WAPL: variants seen among roughly 807,000 people sequenced by gnomAD.
WAPL encodes the protein wings apart-like protein homolog.
In WAPL, 5 loss-of-function variants were observed where a neutral mutation model predicts 121.0. The observed-to-expected ratio is 0.04, with a 90% CI of 0.02 to 0.09. WAPL has a LOEUF of 0.09. Ranked by LOEUF, WAPL falls within the 10% of genes least tolerant of loss-of-function variation. The pLI is 1.00. For synonymous variants in WAPL, 480 were observed against 481.5 expected (o/e 1.00, Z 0.04); for missense variants, 999 against 1,410.8 (o/e 0.71, Z 4.68).
At chr10:86,489,449 T>C (rs922575192) in intron 4 of WAPL, among the ~76,000 whole-genome samples, 7 of 152,158 alleles carry the variant, frequency 4.6e-5, no homozygotes, top group African/African-American at 1.7e-4. Flanking sequence ...AAACTAGGTA[T>C]TTAGGAGTAA....
chr10:86,446,927 A>T (rs1849636162), intron 15 of WAPL, among the ~76,000 whole-genome samples: 1 of 152,250 alleles, frequency 6.6e-6, no homozygotes, highest in Admixed American at 6.5e-5. Context: ...TTTGTTGAGT[A>T]TACAGAAGAG....
In WAPL at chr10:86,460,015, G is replaced by C. The variant is rs571144842; in HGVS notation, c.2580+384C>G. ...TATAATCCCAGCTACTCAAGAGGCT[G>C]AGGCATGAAATTGCTTGAACCCGGG... On this transcript the variant is annotated intron_variant, in intron 11 of 18. Coordinates refer to ENST00000298767, the MANE Select transcript of WAPL (RefSeq NM_015045.5). 1.3e-3 allele frequency among the ~76,000 whole-genome samples: 194 copies of C among 152,328 alleles called. 2 individuals are homozygous for C. Among genetic ancestry groups the C allele is most frequent in the Middle Eastern group, 6.8e-3 (2 of 294 alleles).
intron 4 of WAPL, 33 bp downstream of exon 4, chr10:86,497,168 A>C (rs1248139287): frequency 2.6e-6 from 4 of 1,523,824 alleles, no homozygotes; most frequent in East Asian, 4.5e-5. Context: ...ATAACAAATA[A>C]ATAATAAAAA....
intron 12 of WAPL, 64 bp from the exon 13 acceptor site, chr10:86,453,895 T>C (rs1841067618): frequency 7.7e-7 from 1 of 1,291,218 alleles, no homozygotes; most frequent in Admixed American, 3.6e-5. Flanking sequence ...CAAATTTCTA[T>C]TTACTTGAAC....
At chr10:86,481,407 CTT>C (rs929725386) in intron 4 of WAPL, among the ~76,000 whole-genome samples, 1 of 151,960 alleles carries the variant, frequency 6.6e-6, no homozygotes, top group Non-Finnish European at 1.5e-5. Context: ...GCGTTTCGCT[CTT>C]GTTGCCCAGG....
intron 9 of WAPL, among the ~76,000 whole-genome samples, chr10:86,464,998 A>G (rs1188489229): frequency 6.6e-6 from 1 of 152,200 alleles, no homozygotes; most frequent in Non-Finnish European, 1.5e-5. Flanking sequence ...CTTGCTGTTT[A>G]AAGTTAAATT....
intron 12 of WAPL, among the ~76,000 whole-genome samples, chr10:86,454,270 T>C (rs1353624754): frequency 1.3e-5 from 2 of 152,320 alleles, no homozygotes; most frequent in Admixed American, 1.3e-4. Context: ...GTTGACAGTA[T>C]AAATCATTAT....
chr10:86,460,556 CT>C, intron 10 of WAPL, 60 bp from the exon 11 acceptor site: 1 of 1,409,650 alleles, frequency 7.1e-7, no homozygotes. Context: ...CAATAGAATA[CT>C]TTTAGCTAAC....
rs1470998680 is a variant in WAPL at position 86,472,100 on chromosome 10, T to C, written c.2030+108A>G. Reference sequence around the variant, plus strand: ...TTAACATATCACTGGCTATACATACTACCCCATCATAACAAAATAAAAAAT... The same window carrying C: ...TTAACATATCACTGGCTATACATACCACCCCATCATAACAAAATAAAAAAT... On this transcript the variant is annotated intron_variant, in intron 7 of 18. Coordinates refer to ENST00000298767, the MANE Select transcript of WAPL (RefSeq NM_015045.5). This position sits in a 1 kb window ranked among gnomAD's most constrained non-coding sequence, Gnocchi z 4.2. The C allele has an allele frequency of 1.3e-5, 13 of 1,023,110 alleles. No homozygotes were observed. The highest frequency in any genetic ancestry group is 3.3e-5 in the African/African-American group (2 of 59,956). The allele number at this position is 1,023,110 out of a possible 1,614,324, so 63.4% of individuals were successfully genotyped here. A position where few individuals can be genotyped will look rare whatever the true frequency, so the allele number is the denominator to read the frequency against.
At chr10:86,452,234 T>C in intron 14 of WAPL, 103 bp from the exon 15 acceptor site, 1 of 1,109,216 alleles carries the variant, frequency 9.0e-7, no homozygotes, top group Non-Finnish European at 1.3e-6. Flanking sequence ...TGAATATCAG[T>C]GTTCTACCAC....
intron 4 of WAPL, among the ~76,000 whole-genome samples, chr10:86,492,023 C>A (rs1842057815): frequency 6.6e-6 from 1 of 152,208 alleles, no homozygotes; most frequent in South Asian, 2.1e-4. Context: ...CCTATTTCCT[C>A]CCCCTCCTCA....
At chr10:86,487,707 G>A (rs752111157) in intron 4 of WAPL, among the ~76,000 whole-genome samples, 14 of 152,042 alleles carry the variant, frequency 9.2e-5, no homozygotes, top group African/African-American at 3.1e-4. Context: ...TGGCTAACAC[G>A]GTGAAACCCC....
rs1262112082 is a variant in WAPL at position 86,500,107 on chromosome 10, C to A, written c.1136G>T (p.Arg379Leu). Residue 379 changes from arginine (R) to leucine (L), a missense_variant, in exon 3 of 19, where the codon CGC (arginine) becomes CTC (leucine). By Grantham distance (102) the Arg-to-Leu change is moderately radical. Coordinates refer to ENST00000298767, the MANE Select transcript of WAPL (RefSeq NM_015045.5). The stretch of plus-strand genomic sequence containing the variant: ...GGATGCAGTGAACTCATCCATGCTG[C>A]GTTCCATAGTATCCTGTATGGTAAC... ...CNVTIQDTMERSMDEFTASTP... is the reference protein window; with the variant it reads ...CNVTIQDTMELSMDEFTASTP... 2 of 1,614,158 alleles carry A rather than the reference C, an allele frequency of 1.2e-6. No individual in the cohort carries two copies. Among genetic ancestry groups the A allele is most frequent in the African/African-American group, 1.3e-5 (1 of 75,040 alleles).
rs144916668 is a variant in WAPL, at chr10:86,502,845, G to A, written c.500-2102C>T. On this transcript the variant is annotated intron_variant, in intron 2 of 18. Transcript: ENST00000298767. ...CCCATACCAAACTATATTACACTACGTCTAGTGGTGGCTGCTAAACACTAA... is the reference window on the plus strand; with the variant it reads ...CCCATACCAAACTATATTACACTACATCTAGTGGTGGCTGCTAAACACTAA... Among the ~76,000 whole-genome samples, 16 of 152,260 alleles carry A rather than the reference G, an allele frequency of 1.1e-4. No homozygotes were observed. The East Asian group carries it at 2.3e-3, about 22-fold the overall frequency.
chr10:86,459,882 A>C (rs1246038866), intron 11 of WAPL, among the ~76,000 whole-genome samples: 2 of 152,204 alleles, frequency 1.3e-5, no homozygotes, highest in Non-Finnish European at 2.9e-5. Flanking sequence ...GGGAGGCTGA[A>C]GCCGGCAGGC....
intron 4 of WAPL, among the ~76,000 whole-genome samples, chr10:86,484,019 A>G (rs1030349284): frequency 2.6e-5 from 4 of 151,904 alleles, no homozygotes; most frequent in Admixed American, 2.6e-4. Flanking sequence ...GCACCCAGGC[A>G]ACAAAAAAGA....
chr10:86,483,266 C>G (rs556951009), intron 4 of WAPL, among the ~76,000 whole-genome samples: 2 of 151,990 alleles, frequency 1.3e-5, no homozygotes, highest in Admixed American at 1.3e-4. Flanking sequence ...ATGAAAAATA[C>G]AAAATTGGCT....
intron 4 of WAPL, among the ~76,000 whole-genome samples, chr10:86,491,061 TTAAATAAA>T (rs548077152): frequency 6.6e-5 from 10 of 150,748 alleles, no homozygotes; most frequent in Non-Finnish European, 1.2e-4. Flanking sequence ...AGACTCTGTC[TTAAATAAA>T]TAAATAAATA....
Position 86,498,400 on chromosome 10 carries a change from C to CT in WAPL, c.1526-1082dup, listed in dbSNP as rs144057956. 3.5e-3 allele frequency among the ~76,000 whole-genome samples: 534 copies of CT among 151,898 alleles called. 7 individuals carry two copies. In the East Asian group the frequency reaches 0.062, roughly 18 times the overall value. On this transcript the variant is annotated intron_variant, in intron 3 of 18. Coordinates refer to ENST00000298767, the MANE Select transcript of WAPL (RefSeq NM_015045.5). ...ACAACACTGGATGTATTTCTTTTTT[C>CT]TTTTTTTTCGGGGGAGGCAGGGGTG... is the stretch of plus-strand genomic sequence containing the variant.
Sources: allele counts gnomAD v4.1 joint callset (sites outside exome capture counted in the v4.1 genomes callset), GRCh38; gene constraint gnomAD v4.1.1; non-coding constraint Gnocchi (gnomAD v3.1); transcripts MANE v1.5; gene names NCBI Gene and HGNC (gene_info 2026-07-23, HGNC 2026-07-21).